Variants in RBFOX1 observed in about 807,000 individuals in gnomAD.
The protein encoded by RBFOX1 is RNA binding protein fox-1 homolog 1.
A neutral mutation model predicts 57.7 loss-of-function variants in RBFOX1; 8 were observed. The observed-to-expected ratio is 0.14, with a 90% CI of 0.08 to 0.25. RBFOX1 has a LOEUF of 0.25. Ranked by LOEUF, RBFOX1 falls within the 10% of genes least tolerant of loss-of-function variation. The pLI, the probability that RBFOX1 is intolerant of heterozygous loss-of-function variation, is 1.00. For missense variants in RBFOX1, 611 were observed against 548.5 expected, an observed-to-expected ratio of 1.11 and a Z score of -1.14; for synonymous variants, 326 against 222.4, an observed-to-expected ratio of 1.47 and a Z score of -4.15.
At chr16:7,038,309 G>C (rs1454298233) in intron 3 of RBFOX1, among the ~76,000 whole-genome samples, 1 of 152,130 alleles carries the variant, frequency 6.6e-6, no homozygotes, top group Non-Finnish European at 1.5e-5. Flanking sequence ...GGATGGGGTT[G>C]AAGGAGGGCA....
intron 4 of RBFOX1, among the ~76,000 whole-genome samples, chr16:7,127,377 C>G (rs886270878): frequency 7.9e-5 from 12 of 152,138 alleles, no homozygotes; most frequent in African/African-American, 1.4e-4. Flanking sequence ...TAAATAATAA[C>G]TTATTTGATA....
intron 3 of RBFOX1, among the ~76,000 whole-genome samples, chr16:6,879,838 G>T (rs1309039683): frequency 6.6e-6 from 1 of 152,174 alleles, no homozygotes; most frequent in African/African-American, 2.4e-5. Context: ...AATTTACAAA[G>T]AGGTTTGAGA....
chr16:6,516,426 C>T (rs1313042249), intron 2 of RBFOX1, among the ~76,000 whole-genome samples: 1 of 152,172 alleles, frequency 6.6e-6, no homozygotes, highest in Non-Finnish European at 1.5e-5. Context: ...TCATGGAACA[C>T]TTAGCAGTAT....
chr16:7,072,826 C>T lies in RBFOX1; in HGVS notation c.27+20728C>T, dbSNP rs184350617. ...AAGCTACCGTTGGCCCAGTTTTATTCCTGGGAGGAACGTCTTGAACATAAG... is the reference window on the plus strand; with the variant it reads ...AAGCTACCGTTGGCCCAGTTTTATTTCTGGGAGGAACGTCTTGAACATAAG... On this transcript the variant is annotated intron_variant, in intron 4 of 15. Coordinates refer to ENST00000550418, the MANE Select transcript of RBFOX1 (RefSeq NM_018723.4). Among the ~76,000 whole-genome samples, 4 of 152,292 alleles carry T rather than the reference C, an allele frequency of 2.6e-5. No individual in the cohort carries two copies. In the East Asian group the frequency reaches 5.8e-4, roughly 22 times the overall value.
intron 3 of RBFOX1, among the ~76,000 whole-genome samples, chr16:6,657,799 A>G (rs1237942258): frequency 2.0e-5 from 3 of 152,106 alleles, no homozygotes; most frequent in Admixed American, 2.0e-4. Context: ...CTGAAAGAGA[A>G]CTGGTGGTGC....
intron 3 of RBFOX1, among the ~76,000 whole-genome samples, chr16:5,744,869 T>A (rs2052913537): frequency 6.6e-6 from 1 of 152,202 alleles, no homozygotes. Context: ...ACAATTCTCC[T>A]GCCTCACCGC....
chr16:7,681,719 A>T (rs1002493213), intron 14 of RBFOX1, among the ~76,000 whole-genome samples: 16 of 150,044 alleles, frequency 1.1e-4, no homozygotes, highest in Non-Finnish European at 2.2e-4. Context: ...TTATGTTTTC[A>T]TTTTTTTTTT....
At chr16:7,678,964 G>A (rs1479588740) in intron 14 of RBFOX1, among the ~76,000 whole-genome samples, 1 of 152,090 alleles carries the variant, frequency 6.6e-6, no homozygotes, top group Non-Finnish European at 1.5e-5. Context: ...CATATAATTG[G>A]CCTCTTGTTG....
chr16:6,279,871 T>G (rs2076196909), intron 1 of RBFOX1, among the ~76,000 whole-genome samples: 1 of 151,966 alleles, frequency 6.6e-6, no homozygotes, highest in South Asian at 2.1e-4. Context: ...GGGAGATTCA[T>G]AATAGCTTGG....
intron 4 of RBFOX1, among the ~76,000 whole-genome samples, chr16:7,322,896 T>A (rs933648824): frequency 1.3e-5 from 2 of 152,198 alleles, no homozygotes; most frequent in African/African-American, 4.8e-5. Context: ...CCCTGGTGAT[T>A]AGCCCATTTC....
intron 4 of RBFOX1, among the ~76,000 whole-genome samples, chr16:7,261,584 A>ACTTCC (rs1449087844): frequency 6.6e-6 from 1 of 152,146 alleles, no homozygotes; most frequent in Non-Finnish European, 1.5e-5. Flanking sequence ...TGCTTTAAAG[A>ACTTCC]CTTCCCTGTG....
Position 7,523,600 on chromosome 16 carries a change from C to A in RBFOX1, c.270+5211C>A, listed in dbSNP as rs2077999266. On this transcript the variant is annotated intron_variant, in intron 5 of 15. Coordinates refer to ENST00000550418, the MANE Select transcript of RBFOX1 (RefSeq NM_018723.4). ...TCTCCAGCAATGTTTGGATGGTACA[C>A]ACTCTTAGAGGTAGGATTTTAAAGG... Among the ~76,000 whole-genome samples, 3 of 152,250 alleles carry A rather than the reference C, an allele frequency of 2.0e-5. No individual in the cohort carries two copies. In the South Asian group the frequency reaches 6.2e-4, roughly 32 times the overall value.
intron 4 of RBFOX1, among the ~76,000 whole-genome samples, chr16:7,215,327 C>T (rs1012016045): frequency 6.6e-6 from 1 of 152,184 alleles, no homozygotes; most frequent in South Asian, 2.1e-4. Flanking sequence ...GGTATATACT[C>T]AAAGTATTAT....
At position 6,562,860 on chromosome 16, in the gene RBFOX1, CTTTCTTTCTTTCTTTCTTTCTTT is replaced by C. The variant is rs1252857839; in HGVS notation, c.-63-91739_-63-91717del. Among the ~76,000 whole-genome samples, 136 of 49,018 alleles carry C rather than the reference CTTTCTTTCTTTCTTTCTTTCTTT, an allele frequency of 2.8e-3. 1 individual carries two copies. Among genetic ancestry groups the C allele is most frequent in the Middle Eastern group, 0.023 (2 of 86 alleles). The allele number at this position is 49,018 out of a possible 152,430, so 32.2% of individuals were successfully genotyped here. Reference sequence around the variant, plus strand: ...TCTTTCTTTCTTTCTTTCTTTCTTTCTTTCTTTCTTTCTTTCTTTCTTTTTTTTTTTTTTTTTTGCATAGTTGT... The same window carrying C: ...TCTTTCTTTCTTTCTTTCTTTCTTTCTTTTTTTTTTTTTTTGCATAGTTGT... On this transcript the variant is annotated intron_variant, in intron 2 of 15. Transcript: ENST00000550418.
intron 4 of RBFOX1, among the ~76,000 whole-genome samples, chr16:7,058,300 G>A (rs995028421): frequency 3.3e-5 from 5 of 152,156 alleles, no homozygotes; most frequent in African/African-American, 9.7e-5. Context: ...ATCTTTAGCA[G>A]GGCTGTAACA....
intron 1 of RBFOX1, among the ~76,000 whole-genome samples, chr16:5,293,118 C>G (rs561255104): frequency 5.9e-5 from 9 of 151,856 alleles, no homozygotes; most frequent in South Asian, 2.1e-4. Context: ...GCCAGGAGTT[C>G]AAGACCAAAC....
chr16:7,353,057 A>G (rs754947627), intron 4 of RBFOX1, among the ~76,000 whole-genome samples: 1 of 152,160 alleles, frequency 6.6e-6, no homozygotes, highest in Non-Finnish European at 1.5e-5. Context: ...AGGTTTGTGC[A>G]TGAGTTACAT....
chr16:5,546,997 A>G (rs1395679674), intron 2 of RBFOX1, among the ~76,000 whole-genome samples: 1 of 152,196 alleles, frequency 6.6e-6, no homozygotes, highest in Non-Finnish European at 1.5e-5. Flanking sequence ...TCACATGAAA[A>G]CTTGTTCAAC....
At position 5,301,618 on chromosome 16, in the gene RBFOX1, CAA is replaced by C. The variant is rs60501583; in HGVS notation, c.219+61532_219+61533del. On this transcript the variant is annotated intron_variant, in intron 1 of 2. Transcript: ENST00000585867. Reference sequence around the variant, plus strand: ...TGGGTGACACAGCAAGTCTCCATCTCAAAAAAAAAAAAAAAAAAAACACACAA... The same window carrying C: ...TGGGTGACACAGCAAGTCTCCATCTCAAAAAAAAAAAAAAAAAACACACAA... Among the ~76,000 whole-genome samples, 721 of 87,030 alleles carry C rather than the reference CAA, an allele frequency of 8.3e-3. 3 individuals carry two copies. Among genetic ancestry groups the C allele is most frequent in the Middle Eastern group, 0.03 (5 of 164 alleles). 57.1% of individuals were successfully genotyped at this position (87,030 alleles called of 152,430 possible).
Sources: gnomAD v4.1 joint callset for allele counts (sites outside exome capture counted in the v4.1 genomes callset) on GRCh38, gnomAD v4.1.1 for gene constraint, MANE v1.5 for transcripts, NCBI Gene and HGNC (gene_info 2026-07-23, HGNC 2026-07-21) for gene names.